TMEM260: variants seen among roughly 807,000 people sequenced by gnomAD.
The protein encoded by TMEM260 is protein O-mannosyl-transferase TMEM260.
In TMEM260, 82 loss-of-function variants were observed where a neutral mutation model predicts 88.9. That is an observed-to-expected ratio of 0.92 (90% CI 0.77 to 1.11). The LOEUF (loss-of-function observed/expected upper bound fraction) is 1.11, where lower values mean the gene tolerates loss of function less well. TMEM260 is among the 50% of genes least tolerant of loss of function. The probability of loss-of-function intolerance (pLI) is 0.00; values close to 1 mark genes in which losing one functional copy is unlikely to be tolerated. For synonymous variants in TMEM260, 314 were observed against 309.3 expected (o/e 1.02, Z -0.16); for missense variants, 902 against 853.4 (o/e 1.06, Z -0.71).
chr14:56,633,335 C>T (rs922887583), intron 13 of TMEM260, 164 bp downstream of exon 13: 8 of 549,316 alleles, frequency 1.5e-5, no homozygotes, highest in Non-Finnish European at 2.5e-5. Context: ...GAGAACATGT[C>T]CTTCTCGTTC....
At position 56,633,049 on chromosome 14, in the gene TMEM260, G is replaced by A. The variant is rs1386677305; in HGVS notation, c.1602G>A (p.Lys534=). 6.2e-7 allele frequency: 1 copy of A among 1,613,852 alleles called. No homozygotes were observed. Among genetic ancestry groups the A allele is most frequent in the Admixed American group, 1.7e-5 (1 of 60,000 alleles). The change falls in exon 13 of 16, where the codon AAG becomes AAA. Residue 534 remains lysine, a synonymous_variant. Coordinates refer to ENST00000261556, the MANE Select transcript of TMEM260 (RefSeq NM_017799.4). The part of the protein sequence containing the change: ...GIHEGDPTWK[K]NYSLWPWGSC... ...ATGAAGGCGACCCAACCTGGAAAAAGAACTATTCACTTTGGCCATGGGGGT... is the reference window on the plus strand; with the variant it reads ...ATGAAGGCGACCCAACCTGGAAAAAAAACTATTCACTTTGGCCATGGGGGT...
At chr14:56,610,990 A>T (rs1370376055) in intron 6 of TMEM260, among the ~76,000 whole-genome samples, 4 of 138,162 alleles carry the variant, frequency 2.9e-5, no homozygotes, top group African/African-American at 1.1e-4. Flanking sequence ...TTTTTGAGAC[A>T]GAGTCTCACT....
At chr14:56,644,752 G>T (rs1360188260) in intron 15 of TMEM260, among the ~76,000 whole-genome samples, 2 of 151,518 alleles carry the variant, frequency 1.3e-5, no homozygotes, top group African/African-American at 4.8e-5. Context: ...CAACTTACTC[G>T]ACAAAGGGCT....
chr14:56,645,685 A>G (rs8013453), intron 15 of TMEM260, among the ~76,000 whole-genome samples: 6,568 of 152,254 alleles, frequency 0.043, 272 homozygotes, highest in East Asian at 0.11. Flanking sequence ...AATAAAATTG[A>G]TATCTGTAAA....
At chr14:56,618,813 T>C (rs1044969724) in intron 10 of TMEM260, 50 bp downstream of exon 10, 3 of 1,530,134 alleles carry the variant, frequency 2.0e-6, no homozygotes, top group Non-Finnish European at 2.7e-6. Context: ...CAGAGATACC[T>C]GAATATTTAG....
intron 13 of TMEM260, 141 bp downstream of exon 13, chr14:56,633,312 A>C: frequency 6.5e-6 from 4 of 614,352 alleles, no homozygotes; most frequent in Non-Finnish European, 1.1e-5. Flanking sequence ...AAAATACCAT[A>C]AAACAACAGA....
intron 15 of TMEM260, chr14:56,638,088 G>A (rs900683521): frequency 1.3e-5 from 2 of 152,376 alleles, no homozygotes; most frequent in African/African-American, 4.8e-5. Flanking sequence ...CCAAACAGAT[G>A]GTAGGGCAAG....
At chr14:56,639,917 G>A (rs959367443) in intron 15 of TMEM260, among the ~76,000 whole-genome samples, 1 of 152,190 alleles carries the variant, frequency 6.6e-6, no homozygotes, top group Non-Finnish European at 1.5e-5. Context: ...AAACTGCAAG[G>A]TGGCAGCAAG....
At chr14:56,632,292 G>A (rs975735380) in intron 12 of TMEM260, among the ~76,000 whole-genome samples, 30 of 152,122 alleles carry the variant, frequency 2.0e-4, no homozygotes, top group Non-Finnish European at 4.4e-5. Flanking sequence ...TCTGGAGCCA[G>A]ACTGAAGGAC....
chr14:56,581,354 A>C (rs974411875), intron 1 of TMEM260, among the ~76,000 whole-genome samples: 17 of 152,104 alleles, frequency 1.1e-4, no homozygotes, highest in African/African-American at 3.4e-4. Flanking sequence ...TACATCTTCA[A>C]ATTGTTACCT....
chr14:56,642,596 G>C (rs1194037476), intron 15 of TMEM260, among the ~76,000 whole-genome samples: 1 of 151,594 alleles, frequency 6.6e-6, no homozygotes, highest in African/African-American at 2.4e-5. Flanking sequence ...ACAATTAAAA[G>C]AGCTAGAGAA....
intron 15 of TMEM260, among the ~76,000 whole-genome samples, chr14:56,643,369 C>A (rs1236116811): frequency 7.2e-5 from 11 of 152,152 alleles, no homozygotes; most frequent in African/African-American, 2.2e-4. Context: ...GCAAATCAAT[C>A]AATGTAATCC....
chr14:56,648,831 G>C lies in TMEM260; in HGVS notation c.*1334G>C, dbSNP rs1890118603. ...GGACCAGTGCCGAGGGCTTTTGAGTGAAATGCCAGTCATGAAGGTGCTTCA... is the reference window on the plus strand; with the variant it reads ...GGACCAGTGCCGAGGGCTTTTGAGTCAAATGCCAGTCATGAAGGTGCTTCA... On this transcript the variant is annotated 3_prime_UTR_variant, in exon 16 of 16. Coordinates refer to ENST00000261556, the MANE Select transcript of TMEM260 (RefSeq NM_017799.4). 1 of 152,630 alleles carries C rather than the reference G, an allele frequency of 6.6e-6. No homozygotes were observed. The highest frequency in any genetic ancestry group is 2.1e-4 in the South Asian group (1 of 4,830). 9.5% of individuals were successfully genotyped at this position (152,630 alleles called of 1,614,324 possible).
intron 2 of TMEM260, 119 bp downstream of exon 2, chr14:56,585,151 A>G (rs1885410070): frequency 1.2e-6 from 1 of 837,994 alleles, no homozygotes; most frequent in Non-Finnish European, 1.9e-6. Flanking sequence ...GTTTTTAGTA[A>G]CTTATAAGTA....
chr14:56,621,530 GTGTT>G lies in TMEM260; in HGVS notation c.1230_1233del (p.Cys411ThrfsTer7). ...TAATTTTTTTGGATCCTTTTATTTAGTGTTTGTGACCAAAGGACCAACTATGTGA... is the reference window on the plus strand; with the variant it reads ...TAATTTTTTTGGATCCTTTTATTTAGTGTGACCAAAGGACCAACTATGTGA... On this transcript the variant is annotated frameshift_variant and splice_region_variant, in exon 11 of 16. Coordinates refer to ENST00000261556, the MANE Select transcript of TMEM260 (RefSeq NM_017799.4). LOFTEE classifies it high-confidence loss of function. The G allele has an allele frequency of 2.5e-6, 4 of 1,599,214 alleles. No individual in the cohort carries two copies. Among genetic ancestry groups the G allele is most frequent in the Non-Finnish European group, 3.4e-6 (4 of 1,173,562 alleles).
chr14:56,632,073 A>AACTC (rs1282795034), intron 12 of TMEM260, among the ~76,000 whole-genome samples: 2 of 152,038 alleles, frequency 1.3e-5, no homozygotes, highest in Non-Finnish European at 2.9e-5. Flanking sequence ...TAATTTTACG[A>AACTC]ACTCTGTTTA....
chr14:56,608,319 A>C (rs928151041), intron 5 of TMEM260, among the ~76,000 whole-genome samples: 7 of 152,226 alleles, frequency 4.6e-5, no homozygotes, highest in Non-Finnish European at 8.8e-5. Context: ...TACCTTTCCC[A>C]GTTACTAAAG....
At chr14:56,584,028 ATGTGTT>A (rs1566523147) in intron 1 of TMEM260, among the ~76,000 whole-genome samples, 10 of 111,946 alleles carry the variant, frequency 8.9e-5, no homozygotes, top group African/African-American at 3.5e-4. Flanking sequence ...GTGTGTGTGT[ATGTGTT>A]TAGGGGCATG....
intron 7 of TMEM260, chr14:56,612,840 G>C (rs192408269): frequency 2.6e-5 from 4 of 152,328 alleles, no homozygotes; most frequent in East Asian, 1.9e-4. Context: ...AAACACAACG[G>C]TGAATATTAG....
Sources: allele counts gnomAD v4.1 joint callset (sites outside exome capture counted in the v4.1 genomes callset), GRCh38; gene constraint gnomAD v4.1.1; transcripts MANE v1.5; gene names NCBI Gene and HGNC (gene_info 2026-07-23, HGNC 2026-07-21).